The following MACROD2 variants were observed in gnomAD, a reference collection of about 807,000 sequenced individuals.
MACROD2 encodes the protein ADP-ribose glycohydrolase MACROD2.
A neutral mutation model predicts 70.4 loss-of-function variants in MACROD2; 36 were observed. The ratio of observed to expected loss-of-function variants is 0.51; its 90% confidence interval spans 0.39 to 0.68. MACROD2 has a LOEUF of 0.68. MACROD2 is among the 30% of genes least tolerant of loss of function. The pLI is 0.00. For synonymous variants in MACROD2, 172 were observed against 178.8 expected, an observed-to-expected ratio of 0.96 and a Z score of 0.30; for missense variants, 496 against 538.4, an observed-to-expected ratio of 0.92 and a Z score of 0.78.
At chr20:14,682,405 A>C (rs1196687879) in intron 4 of MACROD2, among the ~76,000 whole-genome samples, 1 of 151,388 alleles carries the variant, frequency 6.6e-6, no homozygotes, top group East Asian at 1.9e-4. Context: ...TTCAGTACAT[A>C]TATATATGTG....
chr20:14,271,623 A>C (rs1399345643), intron 3 of MACROD2, among the ~76,000 whole-genome samples: 1 of 152,242 alleles, frequency 6.6e-6, no homozygotes, highest in African/African-American at 2.4e-5. Context: ...CCTCACCAGC[A>C]ACGGAACAAA....
chr20:14,824,374 A>G (rs2072879544), intron 5 of MACROD2, among the ~76,000 whole-genome samples: 1 of 152,086 alleles, frequency 6.6e-6, no homozygotes, highest in Admixed American at 6.6e-5. Flanking sequence ...ATCCCAAAAT[A>G]TAGTGGCCTG....
intron 9 of MACROD2, among the ~76,000 whole-genome samples, chr20:15,864,957 T>C (rs1032381611): frequency 2.6e-4 from 40 of 152,180 alleles, no homozygotes; most frequent in Non-Finnish European, 4.3e-4. Context: ...TGACTACTAA[T>C]ATACATAATA....
chr20:14,070,732 A>G (rs537950448), intron 2 of MACROD2, among the ~76,000 whole-genome samples: 1 of 152,286 alleles, frequency 6.6e-6, no homozygotes, highest in East Asian at 1.9e-4. Context: ...ATCATTAGAC[A>G]ACTTACTGGT....
intron 7 of MACROD2, among the ~76,000 whole-genome samples, chr20:15,469,285 TG>T (rs1249911781): frequency 1.3e-5 from 2 of 151,822 alleles, no homozygotes; most frequent in East Asian, 3.9e-4. Context: ...AGGTGGGAAA[TG>T]GGGATGATCT....
intron 3 of MACROD2, among the ~76,000 whole-genome samples, chr20:14,093,988 T>C (rs1008072646): frequency 6.6e-6 from 1 of 151,964 alleles, no homozygotes; most frequent in Non-Finnish European, 1.5e-5. Flanking sequence ...GTTTTTTTTT[T>C]TAAAATTTTT....
chr20:15,820,343 A>C (rs967338412), intron 8 of MACROD2, among the ~76,000 whole-genome samples: 1 of 151,976 alleles, frequency 6.6e-6, no homozygotes, highest in African/African-American at 2.4e-5. Context: ...GGAGCACACC[A>C]CCACACCCAG....
intron 4 of MACROD2, among the ~76,000 whole-genome samples, chr20:14,631,230 A>G (rs536490770): frequency 6.6e-6 from 1 of 152,266 alleles, no homozygotes; most frequent in East Asian, 1.9e-4. Flanking sequence ...ATTTACAGCA[A>G]CCAATCAGAA....
At chr20:14,559,059 G>A (rs1237788855) in intron 4 of MACROD2, among the ~76,000 whole-genome samples, 1 of 151,656 alleles carries the variant, frequency 6.6e-6, no homozygotes, top group Non-Finnish European at 1.5e-5. Context: ...TTCTAAAGCA[G>A]CATTTCTTAG....
intron 3 of MACROD2, chr20:14,223,025 G>A (rs1436616965): frequency 6.6e-6 from 1 of 152,172 alleles, no homozygotes; most frequent in Non-Finnish European, 1.5e-5. Flanking sequence ...CTCACATAAG[G>A]AATTGAGGAG....
At chr20:14,100,684 T>A (rs2054288364) in intron 3 of MACROD2, among the ~76,000 whole-genome samples, 1 of 126,104 alleles carries the variant, frequency 7.9e-6, no homozygotes, top group South Asian at 2.4e-4. Flanking sequence ...ATTTATATAT[T>A]TATTTTAAAT....
intron 5 of MACROD2, among the ~76,000 whole-genome samples, chr20:14,691,375 A>T (rs574148003): frequency 6.6e-6 from 1 of 152,338 alleles, no homozygotes; most frequent in Admixed American, 6.5e-5. Context: ...TGTTGCCTCA[A>T]GAGAACATTA....
intron 13 of MACROD2, among the ~76,000 whole-genome samples, chr20:15,969,726 G>A (rs1175802783): frequency 6.6e-6 from 1 of 152,018 alleles, no homozygotes; most frequent in East Asian, 1.9e-4. Flanking sequence ...TCTATCACAA[G>A]TACAGTTGGA....
At chr20:14,617,704 T>A (rs1983561870) in intron 4 of MACROD2, among the ~76,000 whole-genome samples, 1 of 152,100 alleles carries the variant, frequency 6.6e-6, no homozygotes, top group Admixed American at 6.6e-5. Flanking sequence ...CTCACTCAAG[T>A]ACTTCTATTT....
At chr20:15,094,819 G>A (rs2075816841) in intron 5 of MACROD2, among the ~76,000 whole-genome samples, 1 of 152,138 alleles carries the variant, frequency 6.6e-6, no homozygotes, top group Non-Finnish European at 1.5e-5. Flanking sequence ...GAATGTCCCT[G>A]TGTGTAAGGT....
chr20:15,617,725 G>A (rs1367402810), intron 8 of MACROD2, among the ~76,000 whole-genome samples: 1 of 152,184 alleles, frequency 6.6e-6, no homozygotes, highest in Non-Finnish European at 1.5e-5. Context: ...TACAGAAATA[G>A]GAGACATGGC....
At chr20:15,307,847 G>A (rs182563301) in intron 6 of MACROD2, among the ~76,000 whole-genome samples, 69 of 152,094 alleles carry the variant, frequency 4.5e-4, no homozygotes, top group Middle Eastern at 6.8e-3. Flanking sequence ...CTCACAAAAC[G>A]TATGTTTGTC....
chr20:14,452,668 T>C (rs1197570375), intron 3 of MACROD2, among the ~76,000 whole-genome samples: 1 of 152,146 alleles, frequency 6.6e-6, no homozygotes, highest in Non-Finnish European at 1.5e-5. Context: ...CTTTATACAA[T>C]GTGCAGTTCT....
At chr20:14,454,754 T>G (rs2084281596) in intron 3 of MACROD2, among the ~76,000 whole-genome samples, 1 of 142,914 alleles carries the variant, frequency 7.0e-6, no homozygotes, top group Admixed American at 7.0e-5. Context: ...ACACTCTTTT[T>G]TTTTTTTTTT....
Sources: gnomAD v4.1 joint callset for allele counts (sites outside exome capture counted in the v4.1 genomes callset) on GRCh38, gnomAD v4.1.1 for gene constraint, MANE v1.5 for transcripts, NCBI Gene and HGNC (gene_info 2026-07-23, HGNC 2026-07-21) for gene names.